Variants in CCBE1 observed in about 807,000 individuals in gnomAD.
CCBE1 encodes collagen and calcium binding EGF domains 1.
A neutral mutation model predicts 50.0 loss-of-function variants in CCBE1; 37 were observed. That is an observed-to-expected ratio of 0.74 (90% CI 0.57 to 0.97). CCBE1 has a LOEUF of 0.97. Ranked by LOEUF, CCBE1 falls within the 50% of genes least tolerant of loss-of-function variation. The pLI is 0.00. For missense variants in CCBE1, 538 were observed against 523.8 expected (o/e 1.03, Z -0.26); for synonymous variants, 234 against 203.7 (o/e 1.15, Z -1.27).
chr18:59,663,360 G>A (rs957480466), intron 2 of CCBE1, among the ~76,000 whole-genome samples: 1 of 152,194 alleles, frequency 6.6e-6, no homozygotes, highest in Admixed American at 6.5e-5. Flanking sequence ...ACAGAAGAGA[G>A]AACATCAAGT....
intron 2 of CCBE1, among the ~76,000 whole-genome samples, chr18:59,666,488 C>T (rs2144699143): frequency 6.6e-6 from 1 of 152,248 alleles, no homozygotes; most frequent in South Asian, 2.1e-4. Context: ...CAGCATAAGC[C>T]AGCAACTGCA....
chr18:59,604,261 C>G (rs2053468137), intron 2 of CCBE1, among the ~76,000 whole-genome samples: 1 of 152,200 alleles, frequency 6.6e-6, no homozygotes, highest in Non-Finnish European at 1.5e-5. Flanking sequence ...AGGTTCAAGA[C>G]AAGACACAGA....
At chr18:59,677,275 G>A (rs1241855380) in intron 2 of CCBE1, among the ~76,000 whole-genome samples, 3 of 152,204 alleles carry the variant, frequency 2.0e-5, no homozygotes, top group South Asian at 2.1e-4. Context: ...CAAAGGAAAT[G>A]TGAAATGGAA....
chr18:59,689,077 C>T (rs1344999445), intron 2 of CCBE1, among the ~76,000 whole-genome samples: 1 of 152,204 alleles, frequency 6.6e-6, no homozygotes, highest in African/African-American at 2.4e-5. Context: ...ACAAAAACTA[C>T]TCAAACTATT....
At chr18:59,512,528 A>G (rs1914176147) in intron 2 of CCBE1, among the ~76,000 whole-genome samples, 1 of 152,250 alleles carries the variant, frequency 6.6e-6, no homozygotes, top group Non-Finnish European at 1.5e-5. Context: ...CTCATCCATT[A>G]GAGGAACAGA....
intron 5 of CCBE1, 118 bp from the exon 6 acceptor site, chr18:59,455,069 G>A: frequency 2.5e-6 from 2 of 786,764 alleles, no homozygotes; most frequent in Non-Finnish European, 4.4e-6. Flanking sequence ...GACATGCGAG[G>A]GCTCAACTGT....
chr18:59,500,528 C>T (rs1281655366), intron 2 of CCBE1, among the ~76,000 whole-genome samples: 2 of 152,266 alleles, frequency 1.3e-5, no homozygotes, highest in Middle Eastern at 3.4e-3. Flanking sequence ...CCAGGGGTAA[C>T]AGCTGGCTTC....
At chr18:59,468,991 G>A (rs1598927145) in intron 4 of CCBE1, among the ~76,000 whole-genome samples, 1 of 152,322 alleles carries the variant, frequency 6.6e-6, no homozygotes, top group South Asian at 2.1e-4. Context: ...CAGTTCATGA[G>A]GGTGGCAGTA....
chr18:59,469,383 A>T, intron 4 of CCBE1, 90 bp downstream of exon 4: 2 of 1,538,898 alleles, frequency 1.3e-6, no homozygotes, highest in Non-Finnish European at 1.8e-6. Context: ...CCATCCAACA[A>T]GTATGAGAAC....
At chr18:59,671,434 G>C (rs2054428807) in intron 2 of CCBE1, among the ~76,000 whole-genome samples, 1 of 151,346 alleles carries the variant, frequency 6.6e-6, no homozygotes, top group African/African-American at 2.4e-5. Flanking sequence ...GGAGGTCGAG[G>C]CTGCAGTGAG....
chr18:59,613,589 G>A (rs1568234487), intron 2 of CCBE1, among the ~76,000 whole-genome samples: 1 of 151,838 alleles, frequency 6.6e-6, no homozygotes, highest in East Asian at 1.9e-4. Context: ...TCTAACTTTT[G>A]GAATTTTAAT....
intron 2 of CCBE1, among the ~76,000 whole-genome samples, chr18:59,531,821 C>A (rs778746317): frequency 6.6e-6 from 1 of 152,130 alleles, no homozygotes; most frequent in Non-Finnish European, 1.5e-5. Context: ...GGAATAAGTG[C>A]TTTCTAGAAT....
intron 5 of CCBE1, chr18:59,464,790 C>A (rs1260073206): frequency 2.0e-5 from 3 of 152,286 alleles, no homozygotes; most frequent in Non-Finnish European, 4.4e-5. Flanking sequence ...TGCCTTCTAG[C>A]CCTTTTTGAA....
At chr18:59,629,155 A>C (rs2053822569) in intron 2 of CCBE1, among the ~76,000 whole-genome samples, 1 of 152,170 alleles carries the variant, frequency 6.6e-6, no homozygotes, top group Non-Finnish European at 1.5e-5. Flanking sequence ...CATAAAGCCC[A>C]CTGACCTCAT....
At chr18:59,656,959 C>G (rs2054199317) in intron 2 of CCBE1, among the ~76,000 whole-genome samples, 1 of 152,138 alleles carries the variant, frequency 6.6e-6, no homozygotes, top group South Asian at 2.1e-4. Context: ...TATAGGGTCT[C>G]AGATGCAGTT....
chr18:59,477,099 T>A lies in CCBE1; in HGVS notation c.265+3087A>T, dbSNP rs1040472563. On this transcript the variant is annotated intron_variant, in intron 3 of 10. Coordinates refer to ENST00000439986, the MANE Select transcript of CCBE1 (RefSeq NM_133459.4). ...TTAAGGTGCCACCTGGCTACTTTGG[T>A]CTCCTCATGCCTCTGCATCAGCAGG... Among the ~76,000 whole-genome samples the A allele has an allele frequency of 2.0e-5, 3 of 152,214 alleles. No individual in the cohort carries two copies. In the East Asian group the frequency reaches 5.8e-4, roughly 29 times the overall value.
chr18:59,641,942 A>G (rs2053996078), intron 2 of CCBE1, among the ~76,000 whole-genome samples: 1 of 152,220 alleles, frequency 6.6e-6, no homozygotes, highest in Non-Finnish European at 1.5e-5. Flanking sequence ...TTACATAAAA[A>G]AATTCTACAT....
chr18:59,689,603 T>A (rs1397913369), intron 2 of CCBE1, among the ~76,000 whole-genome samples: 1 of 152,196 alleles, frequency 6.6e-6, no homozygotes, highest in Non-Finnish European at 1.5e-5. Context: ...TGATGACAGA[T>A]CTATAATGCA....
chr18:59,448,065 C>T lies in CCBE1; in HGVS notation c.693G>A (p.Lys231=). Residue 231 remains lysine, a synonymous_variant, in exon 7 of 11, where the codon AAG becomes AAA. Transcript: ENST00000439986. The stretch of plus-strand genomic sequence containing the variant: ...CCAGCACCTTGTCACCAGTGATATA[C>T]TTGCCCAGGTCAGCTGCATTGTTGG... ...LLPNNAADLG[K]YITGDKVLAS... is the part of the protein sequence containing the mutation. 1 of 1,614,160 alleles carries T rather than the reference C, an allele frequency of 6.2e-7. No individual in the cohort carries two copies. The highest frequency in any genetic ancestry group is 8.5e-7 in the Non-Finnish European group (1 of 1,180,036).
Sources: gnomAD v4.1 joint callset for allele counts (sites outside exome capture counted in the v4.1 genomes callset) on GRCh38, gnomAD v4.1.1 for gene constraint, MANE v1.5 for transcripts, NCBI Gene and HGNC (gene_info 2026-07-23, HGNC 2026-07-21) for gene names.